The following KIAA0825 variants were observed in gnomAD, a reference collection of about 807,000 sequenced individuals.
KIAA0825 encodes the protein KIAA0825, also known as uncharacterized protein KIAA0825.
KIAA0825 carries 119 observed loss-of-function variants against 147.6 expected under a neutral mutation model. The ratio of observed to expected loss-of-function variants is 0.81; its 90% CI spans 0.69 to 0.94. The LOEUF is 0.94. Among genes scored for constraint, KIAA0825 ranks in the 40% least tolerant of loss-of-function variants. The pLI is 0.00. For synonymous variants in KIAA0825, 470 were observed against 518.1 expected, an observed-to-expected ratio of 0.91 and a Z score of 1.26; for missense variants, 1,381 against 1,472.7, an observed-to-expected ratio of 0.94 and a Z score of 1.02.
chr5:94,403,535 G>T, intron 16 of KIAA0825, 34 bp downstream of exon 16: 1 of 1,494,904 alleles, frequency 6.7e-7, no homozygotes, highest in Non-Finnish European at 9.1e-7. Context: ...GCTTCTTCAG[G>T]TGTATTTTCT....
intron 2 of KIAA0825, among the ~76,000 whole-genome samples, chr5:94,580,530 GA>G (rs1781895117): frequency 6.6e-6 from 1 of 151,092 alleles, no homozygotes; most frequent in African/African-American, 2.5e-5. Context: ...TTTCCTTACA[GA>G]TTGGTGTTCC....
At chr5:94,383,280 C>T (rs1748673422) in intron 20 of KIAA0825, among the ~76,000 whole-genome samples, 1 of 152,130 alleles carries the variant, frequency 6.6e-6, no homozygotes, top group Non-Finnish European at 1.5e-5. Flanking sequence ...ATTATAAATA[C>T]CACTGTGACC....
intron 20 of KIAA0825, among the ~76,000 whole-genome samples, chr5:94,330,184 C>T (rs1781127371): frequency 6.6e-6 from 1 of 152,136 alleles, no homozygotes; most frequent in East Asian, 1.9e-4. Flanking sequence ...TAATGAAAGA[C>T]ACAAAACCAG....
At chr5:94,593,947 C>A (rs1421238786) in intron 1 of KIAA0825, 3 of 455,326 alleles carry the variant, frequency 6.6e-6, no homozygotes, top group Non-Finnish European at 1.3e-5. Context: ...CACAGTGTGA[C>A]CCAAATAAAT....
At chr5:94,383,168 G>A (rs2150519623) in intron 20 of KIAA0825, among the ~76,000 whole-genome samples, 1 of 152,308 alleles carries the variant, frequency 6.6e-6, no homozygotes, top group East Asian at 1.9e-4. Flanking sequence ...TGCCAGCCAG[G>A]TGGTAAGCTT....
At chr5:94,571,858 T>G (rs1293521538) in intron 2 of KIAA0825, among the ~76,000 whole-genome samples, 1 of 152,138 alleles carries the variant, frequency 6.6e-6, no homozygotes, top group Non-Finnish European at 1.5e-5. Flanking sequence ...TATTATAAAA[T>G]AAAAATACAT....
chr5:94,527,230 C>G (rs1769487575), intron 3 of KIAA0825, among the ~76,000 whole-genome samples: 1 of 152,016 alleles, frequency 6.6e-6, no homozygotes, highest in Non-Finnish European at 1.5e-5. Flanking sequence ...TACTATTGGA[C>G]AGACTGCATT....
chr5:94,166,961 A>G (rs1236555181), intron 20 of KIAA0825, among the ~76,000 whole-genome samples: 1 of 152,174 alleles, frequency 6.6e-6, no homozygotes, highest in Non-Finnish European at 1.5e-5. Context: ...TGTATTTGAG[A>G]ATAACGTTAT....
At chr5:94,432,772 T>C (rs1240251018) in intron 14 of KIAA0825, among the ~76,000 whole-genome samples, 1 of 152,138 alleles carries the variant, frequency 6.6e-6, no homozygotes, top group African/African-American at 2.4e-5. Context: ...GTATCTGTAA[T>C]CCCAGCACTT....
intron 20 of KIAA0825, among the ~76,000 whole-genome samples, chr5:94,182,886 T>C (rs532710043): frequency 6.6e-6 from 1 of 152,290 alleles, no homozygotes; most frequent in Admixed American, 6.5e-5. Context: ...ACTAAATGAA[T>C]AGATAGGCAG....
At chr5:94,531,529 G>A (rs1423324712) in intron 3 of KIAA0825, among the ~76,000 whole-genome samples, 1 of 152,198 alleles carries the variant, frequency 6.6e-6, no homozygotes, top group Non-Finnish European at 1.5e-5. Context: ...CGCTGCTGAA[G>A]CCCAGGATGC....
rs1584604396 is a variant in KIAA0825, at chr5:94,473,364, A to G, written c.1383T>C (p.Leu461=). The G allele has an allele frequency of 1.3e-6, 2 of 1,551,928 alleles. No homozygotes were observed. Among genetic ancestry groups the G allele is most frequent in the East Asian group, 4.9e-5 (2 of 40,924 alleles). The change falls in exon 8 of 21, where the codon CTT becomes CTC. Residue 461 remains leucine, a synonymous_variant. Coordinates refer to ENST00000682413, the MANE Select transcript of KIAA0825 (RefSeq NM_001145678.3). ...RSSAVSYAMN[L]VNVQQVWQDS... ...CTTGCCAAACTTGCTGGACATTTACAAGGTTCATAGCATAGCTCACAGCTG... is the reference window on the plus strand; with the variant it reads ...CTTGCCAAACTTGCTGGACATTTACGAGGTTCATAGCATAGCTCACAGCTG...
chr5:94,567,185 T>C (rs1195880080), intron 2 of KIAA0825, among the ~76,000 whole-genome samples: 1 of 152,182 alleles, frequency 6.6e-6, no homozygotes, highest in Non-Finnish European at 1.5e-5. Flanking sequence ...AATTGTCCCT[T>C]TGATTTCATG....
chr5:94,151,114 C>A lies in KIAA0825; in HGVS notation c.*2893G>T, dbSNP rs927750998. Among the ~76,000 whole-genome samples the A allele has an allele frequency of 6.6e-6, 1 of 152,050 alleles. No homozygotes were observed. ...CAAAAACTGCTTTGAAATACCACTT[C>A]TTATTATACTTAAAAAAACATGGCC... On this transcript the variant is annotated 3_prime_UTR_variant, in exon 21 of 21. Transcript: ENST00000682413.
intron 20 of KIAA0825, among the ~76,000 whole-genome samples, chr5:94,311,094 G>T (rs1779129729): frequency 6.6e-6 from 1 of 151,516 alleles, no homozygotes; most frequent in African/African-American, 2.4e-5. Flanking sequence ...TTATGCCATT[G>T]CATTTTTTTT....
At chr5:94,322,984 G>A (rs1392129954) in intron 20 of KIAA0825, among the ~76,000 whole-genome samples, 2 of 151,516 alleles carry the variant, frequency 1.3e-5, no homozygotes, top group Non-Finnish European at 2.9e-5. Context: ...AATGGCTTAC[G>A]TGAATGTGCC....
At chr5:94,205,289 A>ATATG (rs972701816) in intron 20 of KIAA0825, among the ~76,000 whole-genome samples, 1 of 141,122 alleles carries the variant, frequency 7.1e-6, no homozygotes. Context: ...ATATATATAT[A>ATATG]TATATATATA....
chr5:94,422,759 G>A (rs1304063024), intron 14 of KIAA0825, among the ~76,000 whole-genome samples: 2 of 152,134 alleles, frequency 1.3e-5, no homozygotes, highest in Admixed American at 6.6e-5. Flanking sequence ...ATGTCAATGA[G>A]TTCTAGATCT....
At chr5:94,431,341 C>G (rs967470764) in intron 14 of KIAA0825, among the ~76,000 whole-genome samples, 2 of 152,138 alleles carry the variant, frequency 1.3e-5, no homozygotes, top group South Asian at 4.1e-4. Context: ...ATAAAATGAA[C>G]AGGCCTGCAA....
Sources: gnomAD v4.1 joint callset for allele counts (sites outside exome capture counted in the v4.1 genomes callset) on GRCh38, gnomAD v4.1.1 for gene constraint, MANE v1.5 for transcripts, NCBI Gene and HGNC (gene_info 2026-07-23, HGNC 2026-07-21) for gene names.